The following PARP8 variants were observed in gnomAD, a reference collection of about 807,000 sequenced individuals.
PARP8 encodes the protein poly(ADP-ribose) polymerase family member 8.
PARP8 carries 51 observed loss-of-function variants against 124.1 expected under a neutral mutation model. The ratio of observed to expected loss-of-function variants is 0.41; its 90% CI spans 0.33 to 0.52. PARP8 has a LOEUF of 0.52. Among genes scored for constraint, PARP8 ranks in the 20% least tolerant of loss-of-function variants. The pLI is 0.21. For synonymous variants in PARP8, 391 were observed against 361.5 expected (o/e 1.08, Z -0.93); for missense variants, 860 against 1,018.9 (o/e 0.84, Z 2.12).
chr5:50,735,965 C>G lies in PARP8; in HGVS notation c.147-14186C>G, dbSNP rs569810176. 3.1e-4 allele frequency among the ~76,000 whole-genome samples: 47 copies of G among 150,326 alleles called. 1 individual carries two copies. Among genetic ancestry groups the G allele is most frequent in the African/African-American group, 1.1e-3 (43 of 40,872 alleles). On this transcript the variant is annotated intron_variant, in intron 2 of 25. Coordinates refer to ENST00000281631, the MANE Select transcript of PARP8 (RefSeq NM_024615.4). The stretch of plus-strand genomic sequence containing the variant: ...AGGAGATCTAGGGGATTCCCCCCCC[C>G]CCTTTTATTAGTGAATGTATTCTCA...
At chr5:50,764,813 CTTT>C (rs5867717) in intron 7 of PARP8, among the ~76,000 whole-genome samples, 1 of 138,520 alleles carries the variant, frequency 7.2e-6, no homozygotes, top group South Asian at 2.2e-4. Flanking sequence ...GTGTTTTTTT[CTTT>C]TTTTTTTTTT....
At position 50,834,068 on chromosome 5, in the gene PARP8, A is replaced by G. The variant is rs778540237; in HGVS notation, c.2377+20A>G. 3.0e-5 allele frequency: 48 copies of G among 1,581,742 alleles called. No homozygotes were observed. The Admixed American group carries it at 3.7e-4, about 12-fold the overall frequency. Reference sequence around the variant, plus strand: ...GTGAAGGTAAGTTGAAAGTTTTACAAACCTCATAGTGTTAGTTCCTAGCTC... The same window carrying G: ...GTGAAGGTAAGTTGAAAGTTTTACAGACCTCATAGTGTTAGTTCCTAGCTC... On this transcript the variant is annotated intron_variant, in intron 24 of 25. Transcript: ENST00000281631.
At chr5:50,828,129 C>A (rs1232573898) in intron 20 of PARP8, 73 bp downstream of exon 20, 2 of 1,219,916 alleles carry the variant, frequency 1.6e-6, no homozygotes, top group Non-Finnish European at 2.4e-6. Context: ...GAAGATATCA[C>A]TGTCTTTCAG....
chr5:50,803,627 T>C (rs1281913701), intron 14 of PARP8, among the ~76,000 whole-genome samples: 2 of 152,178 alleles, frequency 1.3e-5, no homozygotes, highest in African/African-American at 2.4e-5. Flanking sequence ...ATTTCAGTAA[T>C]TGTACTTTTC....
Position 50,821,301 on chromosome 5 carries a change from A to G in PARP8, c.1757A>G (p.Asp586Gly). 2 of 1,614,056 alleles carry G rather than the reference A, an allele frequency of 1.2e-6. No individual in the cohort carries two copies. Among genetic ancestry groups the G allele is most frequent in the Non-Finnish European group, 1.7e-6 (2 of 1,179,950 alleles). The change falls in exon 16 of 26, where the codon GAT becomes GGT. Residue 586 changes from aspartate to glycine, a missense_variant. Physicochemically the swap from Asp to Gly is moderately conservative, Grantham distance 94 (BLOSUM62 -1). Transcript: ENST00000281631. Reference protein sequence around the residue: ...VIFEPYPSVVDPNDPQMLAFN... With the variant: ...VIFEPYPSVVGPNDPQMLAFN... ...TTCGAGCCATATCCTTCTGTGGTAG[A>G]TCCTAATGATCCTCAGATGTTGGCC...
rs758925259 is a variant in PARP8 at position 50,833,987 on chromosome 5, A to G, written c.2316A>G (p.Lys772=). 2 of 1,612,268 alleles carry G rather than the reference A, an allele frequency of 1.2e-6. No individual in the cohort carries two copies. Among genetic ancestry groups the G allele is most frequent in the Non-Finnish European group, 8.5e-7 (1 of 1,178,770 alleles). The change falls in exon 24 of 26, where the codon AAA becomes AAG. Residue 772 remains lysine, a synonymous_variant. Transcript: ENST00000281631. ...TTGTTTTTGGAATTTAGTCACAGAAAAAAGGACAGCAATCCCAATTCCTGC... is the reference window on the plus strand; with the variant it reads ...TTGTTTTTGGAATTTAGTCACAGAAGAAAGGACAGCAATCCCAATTCCTGC... ...SKSSNTSQSQ[K]KGQQSQFLQS... is the part of the protein sequence containing the mutation.
intron 2 of PARP8, among the ~76,000 whole-genome samples, chr5:50,696,174 G>A (rs1753003350): frequency 1.3e-5 from 2 of 152,136 alleles, no homozygotes; most frequent in Non-Finnish European, 2.9e-5. Flanking sequence ...AGCTCTTTCT[G>A]TGGGTTAATC....
rs1340585270 is a variant in PARP8 at position 50,667,549 on chromosome 5, A to T, written c.91+363A>T. ...CGGCAGAGCGGGGTTGGTTTGCGCA[A>T]TGGGCTGAGCGGCGGCGGCCGGGAA... On this transcript the variant is annotated intron_variant, in intron 1 of 25. Transcript: ENST00000281631. 32 of 697,154 alleles carry T rather than the reference A, an allele frequency of 4.6e-5. No individual in the cohort carries two copies. The East Asian group carries it at 8.0e-4, about 18-fold the overall frequency. The allele number at this position is 697,154 out of a possible 1,614,324, so 43.2% of individuals were successfully genotyped here.
chr5:50,680,632 C>T (rs1410013125), intron 2 of PARP8, among the ~76,000 whole-genome samples: 2 of 152,174 alleles, frequency 1.3e-5, no homozygotes, highest in African/African-American at 4.8e-5. Flanking sequence ...GGTTCTCACA[C>T]ATTCCATAAA....
At chr5:50,764,546 G>T (rs1760868048) in intron 7 of PARP8, among the ~76,000 whole-genome samples, 1 of 152,206 alleles carries the variant, frequency 6.6e-6, no homozygotes, top group South Asian at 2.1e-4. Flanking sequence ...GATAAACTGG[G>T]ATTGTGTACC....
chr5:50,757,826 C>T (rs1477318482), intron 3 of PARP8, among the ~76,000 whole-genome samples: 1 of 152,182 alleles, frequency 6.6e-6, no homozygotes, highest in South Asian at 2.1e-4. Context: ...GTAAAATCTT[C>T]GTCATTCTAT....
chr5:50,803,302 A>G (rs1192417914), intron 14 of PARP8, among the ~76,000 whole-genome samples: 1 of 152,116 alleles, frequency 6.6e-6, no homozygotes, highest in Non-Finnish European at 1.5e-5. Context: ...TGATGTGTCT[A>G]AGTGCCTCTT....
At chr5:50,760,983 G>A (rs1760485755) in intron 5 of PARP8, among the ~76,000 whole-genome samples, 1 of 152,056 alleles carries the variant, frequency 6.6e-6, no homozygotes, top group Non-Finnish European at 1.5e-5. Flanking sequence ...TCCACATTGA[G>A]AATTATTGGT....
At chr5:50,676,532 A>T (rs1232176154) in intron 2 of PARP8, among the ~76,000 whole-genome samples, 1 of 152,210 alleles carries the variant, frequency 6.6e-6, no homozygotes, top group Non-Finnish European at 1.5e-5. Context: ...CTTCCGTCTC[A>T]TAGGGAAGTG....
At chr5:50,747,761 C>CCTTT (rs1758753413) in intron 2 of PARP8, among the ~76,000 whole-genome samples, 1 of 52,936 alleles carries the variant, frequency 1.9e-5, no homozygotes. Context: ...ATAGACCTTG[C>CCTTT]TTTTTTTTTT....
chr5:50,731,365 G>A lies in PARP8; in HGVS notation c.147-18786G>A, dbSNP rs933771878. On this transcript the variant is annotated intron_variant, in intron 2 of 25. Coordinates refer to ENST00000281631, the MANE Select transcript of PARP8 (RefSeq NM_024615.4). Reference sequence around the variant, plus strand: ...TGCTCTTCTGTCCAAAAGAATGAGTGTGTTGGTCTGTTGGACTTGAGTCAA... The same window carrying A: ...TGCTCTTCTGTCCAAAAGAATGAGTATGTTGGTCTGTTGGACTTGAGTCAA... 2.5e-4 allele frequency among the ~76,000 whole-genome samples: 38 copies of A among 152,296 alleles called. 1 individual carries two copies. Among genetic ancestry groups the A allele is most frequent in the African/African-American group, 9.1e-4 (38 of 41,560 alleles).
chr5:50,675,242 A>G lies in PARP8; in HGVS notation c.146+7117A>G, dbSNP rs557670206. Among the ~76,000 whole-genome samples the G allele has an allele frequency of 2.0e-3, 297 of 152,292 alleles. 3 individuals are homozygous for G. Among genetic ancestry groups the G allele is most frequent in the African/African-American group, 6.8e-3 (281 of 41,556 alleles). ...TGAACATTTTGAAATGTAGATTGAA[A>G]AGGTGGATTTGTCAACTAACTCTGA... is the stretch of plus-strand genomic sequence containing the variant. On this transcript the variant is annotated intron_variant, in intron 2 of 25. Coordinates refer to ENST00000281631, the MANE Select transcript of PARP8 (RefSeq NM_024615.4).
chr5:50,825,244 G>A (rs1238952964), intron 18 of PARP8, among the ~76,000 whole-genome samples: 1 of 152,100 alleles, frequency 6.6e-6, no homozygotes, highest in Non-Finnish European at 1.5e-5. Flanking sequence ...TTTGCCTATA[G>A]TTTTAAAAGA....
chr5:50,707,261 A>G lies in PARP8; in HGVS notation c.146+39136A>G, dbSNP rs142916276. 1.6e-4 allele frequency among the ~76,000 whole-genome samples: 25 copies of G among 152,172 alleles called. No homozygotes were observed. The East Asian group carries it at 4.2e-3, about 26-fold the overall frequency. ...GTCATTCAATTAACATAAAGATATA[A>G]TCAGTCAGTAGTTTATCTCCCAAGG... is the stretch of plus-strand genomic sequence containing the variant. On this transcript the variant is annotated intron_variant, in intron 2 of 25. Transcript: ENST00000281631.
Sources: gnomAD v4.1 joint callset for allele counts (sites outside exome capture counted in the v4.1 genomes callset) on GRCh38, gnomAD v4.1.1 for gene constraint, MANE v1.5 for transcripts, NCBI Gene and HGNC (gene_info 2026-07-23, HGNC 2026-07-21) for gene names.